Variants in ICAM2 observed in about 807,000 individuals in gnomAD.
ICAM2 encodes the protein intercellular adhesion molecule 2.
In ICAM2, 14 loss-of-function variants were observed where a neutral mutation model predicts 19.1. The ratio of observed to expected loss-of-function variants is 0.73; its 90% confidence interval spans 0.48 to 1.15. The LOEUF is 1.15. ICAM2 is among the 50% of genes most tolerant of loss of function. The probability of loss-of-function intolerance (pLI) is 0.00; values close to 1 mark genes in which losing one functional copy is unlikely to be tolerated. For synonymous variants in ICAM2, 153 were observed against 152.7 expected (o/e 1.00, Z -0.01); for missense variants, 311 against 355.4 (o/e 0.88, Z 1.00).
At position 64,004,785 on chromosome 17, in the gene ICAM2, C is replaced by T. The variant is rs112095538; in HGVS notation, c.328+322G>A. The T allele has an allele frequency of 1.3e-4, 57 of 444,518 alleles. 1 individual carries two copies. The highest frequency in any genetic ancestry group is 1.3e-3 in the Middle Eastern group (2 of 1,512). 27.5% of individuals were successfully genotyped at this position (444,518 alleles called of 1,614,324 possible). ...GGCTCAGCTCCCCTGATGGTGACCC[C>T]ACTACTTGGCATGGGACATGGGGTG... On this transcript the variant is annotated intron_variant, in intron 3 of 4. Coordinates refer to ENST00000579788, the MANE Select transcript of ICAM2 (RefSeq NM_001099789.2).
intron 1 of ICAM2, among the ~76,000 whole-genome samples, chr17:64,017,066 G>A (rs1298926100): frequency 1.3e-5 from 2 of 152,130 alleles, no homozygotes; most frequent in East Asian, 3.8e-4. Context: ...AAATCAGGAA[G>A]AGACAAAGAT....
intron 1 of ICAM2, among the ~76,000 whole-genome samples, chr17:64,012,572 C>T (rs192417959): frequency 8.5e-5 from 13 of 152,100 alleles, no homozygotes; most frequent in Admixed American, 2.6e-4. Flanking sequence ...TGCACTCCAG[C>T]TTGGGTAACA....
intron 1 of ICAM2, among the ~76,000 whole-genome samples, chr17:64,014,559 GAA>G (rs1911612845): frequency 7.4e-6 from 1 of 135,872 alleles, no homozygotes; most frequent in African/African-American, 2.8e-5. Context: ...AAGGAAGAAA[GAA>G]AGAGAGAGAG....
rs747751538 is a variant in ICAM2, at chr17:64,005,354, G to A, written c.81C>T (p.Phe27=). Residue 27 remains phenylalanine (F), a synonymous_variant, in exon 3 of 5, where the codon TTC becomes TTT. Coordinates refer to ENST00000579788, the MANE Select transcript of ICAM2 (RefSeq NM_001099789.2). ...ICCPGSDEKV[F]EVHVRPKKLA... is the part of the protein sequence containing the mutation. ...GCTTCTTTGGCCTCACGTGTACCTC[G>A]AATACCTTCTCATCCGATCCTGGAA... 25 of 1,613,620 alleles carry A rather than the reference G, an allele frequency of 1.5e-5. No homozygotes were observed. The highest frequency in any genetic ancestry group is 2.7e-5 in the African/African-American group (2 of 74,876).
chr17:64,018,787 T>C (rs1310582252), intron 1 of ICAM2, among the ~76,000 whole-genome samples: 1 of 144,298 alleles, frequency 6.9e-6, no homozygotes, highest in African/African-American at 2.6e-5. Flanking sequence ...AGTGGCGCGA[T>C]CTTGGCTTAC....
chr17:64,008,052 G>T (rs573130102), intron 1 of ICAM2, among the ~76,000 whole-genome samples: 3 of 152,178 alleles, frequency 2.0e-5, no homozygotes, highest in Admixed American at 6.5e-5. Context: ...GCTCCATTCC[G>T]GGTTGGGAGG....
chr17:64,003,345 G>A, intron 4 of ICAM2: 2 of 474,958 alleles, frequency 4.2e-6, no homozygotes, highest in South Asian at 4.7e-5. Flanking sequence ...ACCTCAGTGG[G>A]GGCAGTCAGG....
intron 1 of ICAM2, among the ~76,000 whole-genome samples, chr17:64,012,366 G>C (rs1202870260): frequency 1.3e-5 from 2 of 152,220 alleles, no homozygotes; most frequent in Non-Finnish European, 2.9e-5. Flanking sequence ...GGGAGGCTGA[G>C]GCGGGTGGAT....
intron 3 of ICAM2, chr17:64,004,461 C>G (rs766347757): frequency 1.2e-5 from 2 of 171,106 alleles, no homozygotes; most frequent in Non-Finnish European, 2.5e-5. Flanking sequence ...TTCAACCACC[C>G]GAGGGGGTGC....
At chr17:64,012,202 C>T (rs1334835394) in intron 1 of ICAM2, among the ~76,000 whole-genome samples, 1 of 152,014 alleles carries the variant, frequency 6.6e-6, no homozygotes, top group Middle Eastern at 3.2e-3. Flanking sequence ...GTGGCTCACA[C>T]TTGTAATCCC....
At chr17:64,015,439 C>T (rs896555360) in intron 1 of ICAM2, among the ~76,000 whole-genome samples, 13 of 152,156 alleles carry the variant, frequency 8.5e-5, no homozygotes, top group African/African-American at 2.9e-4. Context: ...GAATCAGGGC[C>T]GGGCATAGTG....
intron 1 of ICAM2, among the ~76,000 whole-genome samples, chr17:64,019,513 G>C (rs556896031): frequency 1.6e-4 from 25 of 152,142 alleles, no homozygotes; most frequent in African/African-American, 5.5e-4. Context: ...GAGGCAAGTA[G>C]CATAAAAGTG....
chr17:64,009,708 C>G (rs1489970693), intron 1 of ICAM2, among the ~76,000 whole-genome samples: 1 of 152,224 alleles, frequency 6.6e-6, no homozygotes, highest in Non-Finnish European at 1.5e-5. Context: ...TGCTCTCGAC[C>G]TGCTTCCTCA....
chr17:64,005,542 C>A (rs1293446056), intron 2 of ICAM2, among the ~76,000 whole-genome samples, 169 bp from the exon 3 acceptor site: 1 of 152,084 alleles, frequency 6.6e-6, no homozygotes, highest in African/African-American at 2.4e-5. Flanking sequence ...CCGGCTAGAC[C>A]AGGAGGCCAC....
At chr17:64,003,163 G>A (rs1216142328) in intron 4 of ICAM2, 3 of 532,412 alleles carry the variant, frequency 5.6e-6, no homozygotes, top group Admixed American at 3.2e-5. Flanking sequence ...GGCTGTGAGG[G>A]CAGATGTCCC....
intron 1 of ICAM2, among the ~76,000 whole-genome samples, chr17:64,011,064 T>C (rs753794325): frequency 6.6e-6 from 1 of 152,080 alleles, no homozygotes; most frequent in Non-Finnish European, 1.5e-5. Context: ...GCCCAATGTC[T>C]CTTGGACTTT....
intron 1 of ICAM2, among the ~76,000 whole-genome samples, chr17:64,014,703 AAGGAAGGAAGGAAGG>A (rs1567849745): frequency 1.0e-3 from 23 of 22,912 alleles, no homozygotes; most frequent in African/African-American, 1.6e-3. Context: ...GGAAGGAAGG[AAGGAAGGAAGGAAGG>A]AAGGAAGAAA....
chr17:64,004,371 C>T lies in ICAM2; in HGVS notation c.329-407G>A, dbSNP rs185198894. The T allele has an allele frequency of 3.0e-3, 576 of 190,772 alleles. 2 individuals are homozygous for T. Among genetic ancestry groups the T allele is most frequent in the African/African-American group, 0.013 (557 of 42,542 alleles). The allele number at this position is 190,772 out of a possible 1,614,324, so 11.8% of individuals were successfully genotyped here. ...GGAGGAACTGAGCTGTGAAGTTCAT[C>T]ACTTAGGAGGCAGAGGCCAGAGCCA... On this transcript the variant is annotated intron_variant, in intron 3 of 4. Transcript: ENST00000579788.
intron 1 of ICAM2, among the ~76,000 whole-genome samples, chr17:64,018,203 G>A (rs1365535796): frequency 1.3e-5 from 2 of 151,812 alleles, no homozygotes; most frequent in African/African-American, 2.4e-5. Flanking sequence ...GCATGGTGGC[G>A]GGCACCTGTA....
Sources: allele counts gnomAD v4.1 joint callset (sites outside exome capture counted in the v4.1 genomes callset), GRCh38; gene constraint gnomAD v4.1.1; transcripts MANE v1.5; gene names NCBI Gene and HGNC (gene_info 2026-07-23, HGNC 2026-07-21).